SORCS2: variants seen among roughly 807,000 people sequenced by gnomAD.
The protein encoded by SORCS2 is sortilin related VPS10 domain containing receptor 2.
SORCS2 carries 100 observed loss-of-function variants against 141.6 expected under a neutral mutation model. The ratio of observed to expected loss-of-function variants is 0.71; its 90% CI spans 0.60 to 0.83. The LOEUF is 0.83. Ranked by LOEUF, SORCS2 falls within the 40% of genes least tolerant of loss-of-function variation. SORCS2 has a pLI of 0.00. For synonymous variants in SORCS2, 789 were observed against 676.9 expected, an observed-to-expected ratio of 1.17 and a Z score of -2.57; for missense variants, 1,646 against 1,560.2, an observed-to-expected ratio of 1.05 and a Z score of -0.93.
intron 3 of SORCS2, among the ~76,000 whole-genome samples, chr4:7,566,327 GTGA>G (rs1715011074): frequency 6.6e-6 from 1 of 152,146 alleles, no homozygotes; most frequent in African/African-American, 2.4e-5. Context: ...AATGGTGATG[GTGA>G]TGATGTGATG....
chr4:7,362,336 G>C (rs141279912), intron 1 of SORCS2, among the ~76,000 whole-genome samples: 1 of 152,090 alleles, frequency 6.6e-6, no homozygotes. Flanking sequence ...CTTCCACGCC[G>C]CATCCTACCT....
At chr4:7,365,315 G>C (rs1421273146) in intron 1 of SORCS2, among the ~76,000 whole-genome samples, 1 of 152,158 alleles carries the variant, frequency 6.6e-6, no homozygotes, top group Non-Finnish European at 1.5e-5. Flanking sequence ...GGGAGTTCAG[G>C]AGGGCGCAAG....
At chr4:7,721,389 C>T (rs1184218546) in intron 18 of SORCS2, among the ~76,000 whole-genome samples, 2 of 152,144 alleles carry the variant, frequency 1.3e-5, no homozygotes, top group African/African-American at 4.8e-5. Flanking sequence ...TCACTTGAAC[C>T]TGGGAGTCGG....
At chr4:7,267,207 T>A (rs1369619468) in intron 1 of SORCS2, among the ~76,000 whole-genome samples, 3 of 152,238 alleles carry the variant, frequency 2.0e-5, no homozygotes, top group African/African-American at 7.2e-5. Context: ...GGCATCTTCC[T>A]TTCTCCTAAG....
intron 1 of SORCS2, among the ~76,000 whole-genome samples, chr4:7,314,762 G>A (rs1718443009): frequency 1.3e-5 from 2 of 150,648 alleles, no homozygotes; most frequent in African/African-American, 4.9e-5. Flanking sequence ...TGAAGACCCA[G>A]GGCATAGCCG....
In SORCS2 at chr4:7,724,920, T is replaced by TGGTGA. The variant is rs1727078793; in HGVS notation, c.2612-232_2612-231insTGAGG. 9.0e-4 allele frequency among the ~76,000 whole-genome samples: 30 copies of TGGTGA among 33,270 alleles called. 3 individuals are homozygous for TGGTGA. Among genetic ancestry groups the TGGTGA allele is most frequent in the Admixed American group, 2.8e-3 (7 of 2,490 alleles). 21.8% of individuals were successfully genotyped at this position (33,270 alleles called of 152,430 possible). On this transcript the variant is annotated intron_variant, in intron 19 of 26. Transcript: ENST00000507866. ...ATGGTGGTGATAGTATTGGTGGGAA[T>TGGTGA]GGATGGTGGTAGTAGTGGTGATGGT...
intron 1 of SORCS2, among the ~76,000 whole-genome samples, chr4:7,314,250 A>G (rs1275519113): frequency 1.3e-5 from 2 of 152,106 alleles, no homozygotes; most frequent in South Asian, 2.1e-4. Flanking sequence ...ACGGAGAACG[A>G]GGCAGCGGGA....
chr4:7,360,859 A>G (rs1721541445), intron 1 of SORCS2, among the ~76,000 whole-genome samples: 1 of 151,562 alleles, frequency 6.6e-6, no homozygotes, highest in South Asian at 2.1e-4. Context: ...TGCTGGGATT[A>G]CAGCCACTGC....
At chr4:7,542,160 G>A (rs993803999) in intron 3 of SORCS2, among the ~76,000 whole-genome samples, 1 of 152,216 alleles carries the variant, frequency 6.6e-6, no homozygotes, top group African/African-American at 2.4e-5. Flanking sequence ...CATGGGCGGA[G>A]GGTTGGGGGG....
chr4:7,227,619 G>A (rs765705519), intron 1 of SORCS2, among the ~76,000 whole-genome samples: 2 of 152,116 alleles, frequency 1.3e-5, no homozygotes, highest in African/African-American at 2.4e-5. Context: ...GTGGCCTGGG[G>A]TGAAGAGTTC....
chr4:7,583,414 A>G (rs1159907934), intron 3 of SORCS2, among the ~76,000 whole-genome samples: 1 of 152,162 alleles, frequency 6.6e-6, no homozygotes, highest in African/African-American at 2.4e-5. Flanking sequence ...CCGAAGTCAT[A>G]CCACCTCGTA....
intron 3 of SORCS2, among the ~76,000 whole-genome samples, chr4:7,634,144 C>A (rs975516784): frequency 1.3e-5 from 2 of 151,096 alleles, no homozygotes; most frequent in Non-Finnish European, 3.0e-5. Context: ...GAGGCCAAGG[C>A]GGTTGGATCA....
chr4:7,326,974 G>A (rs1460815092), intron 1 of SORCS2, among the ~76,000 whole-genome samples: 1 of 152,238 alleles, frequency 6.6e-6, no homozygotes, highest in African/African-American at 2.4e-5. Flanking sequence ...ACCCGTGGCT[G>A]AGGGCCTCCG....
intron 1 of SORCS2, among the ~76,000 whole-genome samples, chr4:7,205,048 C>T (rs1027775292): frequency 1.3e-5 from 2 of 152,216 alleles, no homozygotes; most frequent in African/African-American, 2.4e-5. Flanking sequence ...AATAAAAACC[C>T]TATGTTTTTC....
chr4:7,553,357 G>A (rs1432159329), intron 3 of SORCS2, among the ~76,000 whole-genome samples: 1 of 152,150 alleles, frequency 6.6e-6, no homozygotes, highest in Non-Finnish European at 1.5e-5. Flanking sequence ...GAAACATTCT[G>A]TATAAAAGAT....
chr4:7,701,078 C>T (rs888773521), intron 12 of SORCS2, among the ~76,000 whole-genome samples: 4 of 152,182 alleles, frequency 2.6e-5, no homozygotes, highest in Non-Finnish European at 5.9e-5. Flanking sequence ...GGCAGCAGCA[C>T]CCCCACCAGG....
chr4:7,252,652 C>T (rs903761432), intron 1 of SORCS2, among the ~76,000 whole-genome samples: 7 of 152,210 alleles, frequency 4.6e-5, no homozygotes, highest in African/African-American at 1.7e-4. Context: ...TGCAATTCAT[C>T]ACCCAAACCA....
intron 3 of SORCS2, among the ~76,000 whole-genome samples, chr4:7,634,618 C>G (rs1248632859): frequency 6.6e-6 from 1 of 152,176 alleles, no homozygotes; most frequent in Non-Finnish European, 1.5e-5. Context: ...CTAATGAATT[C>G]CAAATCATAG....
At chr4:7,561,354 A>T (rs1194157698) in intron 3 of SORCS2, among the ~76,000 whole-genome samples, 1 of 150,066 alleles carries the variant, frequency 6.7e-6, no homozygotes, top group African/African-American at 2.5e-5. Flanking sequence ...AGTCCAGACT[A>T]GCCTGGGGAG....
Sources: gnomAD v4.1 joint callset for allele counts (sites outside exome capture counted in the v4.1 genomes callset) on GRCh38, gnomAD v4.1.1 for gene constraint, MANE v1.5 for transcripts, NCBI Gene and HGNC (gene_info 2026-07-23, HGNC 2026-07-21) for gene names.